Variants in MRPL48 observed in about 807,000 individuals in gnomAD.
The protein encoded by MRPL48 is mitochondrial ribosomal protein L48, also known as large ribosomal subunit protein mL48.
In MRPL48, 16 loss-of-function variants were observed where a neutral mutation model predicts 32.9. The observed-to-expected ratio is 0.49, with a 90% CI of 0.33 to 0.74. The LOEUF is 0.74. Among genes scored for constraint, MRPL48 ranks in the 30% least tolerant of loss-of-function variants. The pLI is 0.02. For missense variants in MRPL48, 206 were observed against 245.3 expected, an observed-to-expected ratio of 0.84 and a Z score of 1.07; for synonymous variants, 94 against 89.2, an observed-to-expected ratio of 1.05 and a Z score of -0.31.
At chr11:73,848,203 G>T (rs1025543975) in intron 5 of MRPL48, among the ~76,000 whole-genome samples, 2 of 151,772 alleles carry the variant, frequency 1.3e-5, no homozygotes, top group Admixed American at 6.6e-5. Context: ...TGAATATTCA[G>T]TTGTTTCCAG....
chr11:73,820,450 C>T (rs1237814772), intron 3 of MRPL48, among the ~76,000 whole-genome samples: 1 of 152,170 alleles, frequency 6.6e-6, no homozygotes, highest in East Asian at 1.9e-4. Context: ...GTCTCAAACT[C>T]ATGACCTCAA....
At chr11:73,848,096 C>T (rs1052043052) in intron 5 of MRPL48, among the ~76,000 whole-genome samples, 7 of 152,062 alleles carry the variant, frequency 4.6e-5, no homozygotes, top group Non-Finnish European at 1.0e-4. Context: ...TATGTTTTCT[C>T]CTAGAAGTTC....
chr11:73,851,236 A>G (rs1948384714), intron 5 of MRPL48: 1 of 389,302 alleles, frequency 2.6e-6, no homozygotes, highest in Non-Finnish European at 5.2e-6. Context: ...ATACTTTCTT[A>G]CTCATTAGAT....
At chr11:73,861,985 T>C (rs1220226847) in intron 6 of MRPL48, among the ~76,000 whole-genome samples, 1 of 152,210 alleles carries the variant, frequency 6.6e-6, no homozygotes, top group South Asian at 2.1e-4. Context: ...TGGGCAAAGC[T>C]GAGTTGAATC....
intron 5 of MRPL48, among the ~76,000 whole-genome samples, chr11:73,847,378 A>G (rs1788396802): frequency 1.3e-5 from 2 of 151,454 alleles, no homozygotes; most frequent in East Asian, 3.9e-4. Context: ...TCTTTTGTCC[A>G]TTTAAAAAAA....
At chr11:73,797,369 G>C (rs905310357) in intron 1 of MRPL48, among the ~76,000 whole-genome samples, 8 of 152,224 alleles carry the variant, frequency 5.3e-5, no homozygotes, top group African/African-American at 1.4e-4. Flanking sequence ...ACAGAAACAG[G>C]GCTGAGATGT....
In MRPL48 at chr11:73,808,301, C is replaced by T. The variant is rs1393726032; in HGVS notation, c.75-12C>T. The T allele has an allele frequency of 6.2e-7, 1 of 1,601,242 alleles. No homozygotes were observed. Among genetic ancestry groups the T allele is most frequent in the East Asian group, 2.2e-5 (1 of 44,738 alleles). Reference sequence around the variant, plus strand: ...TCTAATTGTATTGAACATACTTTCTCCCTCCTTTTAGGTTTAGAACTTCAG... The same window carrying T: ...TCTAATTGTATTGAACATACTTTCTTCCTCCTTTTAGGTTTAGAACTTCAG... On this transcript the variant is annotated splice_polypyrimidine_tract_variant and intron_variant, in intron 2 of 7. Transcript: ENST00000310614.
intron 6 of MRPL48, among the ~76,000 whole-genome samples, chr11:73,862,337 G>A (rs1246113390): frequency 2.0e-5 from 3 of 152,104 alleles, no homozygotes; most frequent in African/African-American, 7.2e-5. Flanking sequence ...CAGGAGAATC[G>A]CTTGAACCCG....
chr11:73,823,766 T>G (rs915065128), intron 3 of MRPL48, among the ~76,000 whole-genome samples: 4 of 147,692 alleles, frequency 2.7e-5, no homozygotes, highest in Non-Finnish European at 1.5e-5. Context: ...CAAGCAATCC[T>G]CCTGCCTCAG....
intron 3 of MRPL48, among the ~76,000 whole-genome samples, chr11:73,820,635 T>A (rs1947761432): frequency 6.6e-6 from 1 of 152,192 alleles, no homozygotes. Context: ...CCTTTACACA[T>A]GCTGTTTCCT....
At chr11:73,860,954 C>T (rs1281541447) in intron 6 of MRPL48, among the ~76,000 whole-genome samples, 2 of 152,156 alleles carry the variant, frequency 1.3e-5, no homozygotes, top group African/African-American at 2.4e-5. Context: ...TGGAATTGTA[C>T]ATTAAATGGC....
At chr11:73,847,721 G>A (rs1382712602) in intron 5 of MRPL48, among the ~76,000 whole-genome samples, 2 of 152,098 alleles carry the variant, frequency 1.3e-5, no homozygotes, top group Non-Finnish European at 2.9e-5. Context: ...TGGGATTACA[G>A]GTGTGAGCCA....
At chr11:73,799,429 C>T (rs147387063) in intron 1 of MRPL48, among the ~76,000 whole-genome samples, 1 of 152,282 alleles carries the variant, frequency 6.6e-6, no homozygotes, top group East Asian at 1.9e-4. Context: ...TAATAGCCGA[C>T]TTGCTTTGCA....
intron 4 of MRPL48, among the ~76,000 whole-genome samples, chr11:73,832,873 A>G (rs774781773): frequency 5.1e-4 from 77 of 152,166 alleles, no homozygotes; most frequent in Non-Finnish European, 6.2e-4. Flanking sequence ...TATGCCATGC[A>G]TTGTGCTGAG....
At position 73,859,928 on chromosome 11, in the gene MRPL48, C is replaced by G. The variant is rs1315531881; in HGVS notation, c.393C>G (p.Thr131=). The change falls in exon 6 of 8, where the codon ACC becomes ACG. Residue 131 remains threonine (T), a synonymous_variant. Coordinates refer to ENST00000310614, the MANE Select transcript of MRPL48 (RefSeq NM_016055.6). ...VEESYAMPTK[T]IEVLQLQDQG... is the part of the protein sequence containing the mutation. ...ACAGTTATGCAATGCCAACCAAAAC[C>G]ATAGAAGTGTTGCAGTTGCAGGACC... is the stretch of plus-strand genomic sequence containing the variant. 3 of 1,613,776 alleles carry G rather than the reference C, an allele frequency of 1.9e-6. No individual in the cohort carries two copies. The highest frequency in any genetic ancestry group is 2.5e-6 in the Non-Finnish European group (3 of 1,179,850).
Position 73,864,907 on chromosome 11 carries a change from T to G in MRPL48, c.*537T>G, listed in dbSNP as rs1037167433. Reference sequence around the variant, plus strand: ...CCCGGGTTCACACCATTCTCCTGCCTCAGCCTCCCAAGTAGCTGGGACTGC... The same window carrying G: ...CCCGGGTTCACACCATTCTCCTGCCGCAGCCTCCCAAGTAGCTGGGACTGC... On this transcript the variant is annotated 3_prime_UTR_variant, in exon 8 of 8. Coordinates refer to ENST00000310614, the MANE Select transcript of MRPL48 (RefSeq NM_016055.6). 3.9e-5 allele frequency: 6 copies of G among 152,978 alleles called. No homozygotes were observed. Among genetic ancestry groups the G allele is most frequent in the African/African-American group, 1.4e-4 (6 of 41,396 alleles). 9.5% of individuals were successfully genotyped at this position (152,978 alleles called of 1,614,324 possible). A position where few individuals can be genotyped will look rare whatever the true frequency, so the allele number is the denominator to read the frequency against.
intron 4 of MRPL48, chr11:73,832,697 AC>A (rs1475827477): frequency 6.5e-6 from 1 of 152,712 alleles, no homozygotes; most frequent in African/African-American, 2.4e-5. Flanking sequence ...ATCCAGTCCT[AC>A]CTTCTTGGTA....
Position 73,805,089 on chromosome 11 carries a change from T to A in MRPL48, c.74+10T>A. 6.4e-7 allele frequency: 1 copy of A among 1,553,772 alleles called. No individual in the cohort carries two copies. The highest frequency in any genetic ancestry group is 8.7e-7 in the Non-Finnish European group (1 of 1,146,638). On this transcript the variant is annotated intron_variant, in intron 2 of 7. Coordinates refer to ENST00000310614, the MANE Select transcript of MRPL48 (RefSeq NM_016055.6). The stretch of plus-strand genomic sequence containing the variant: ...CCTTTTCTCTCTTAAGGTAAGAATA[T>A]TAAAAACAATAATTAAATATAGGTA...
intron 5 of MRPL48, among the ~76,000 whole-genome samples, chr11:73,845,419 A>G (rs986049782): frequency 2.0e-5 from 3 of 152,186 alleles, no homozygotes; most frequent in African/African-American, 7.2e-5. Context: ...TATCAAATGC[A>G]TTCATAATGT....
Sources: allele counts gnomAD v4.1 joint callset (sites outside exome capture counted in the v4.1 genomes callset), GRCh38; gene constraint gnomAD v4.1.1; transcripts MANE v1.5; gene names NCBI Gene and HGNC (gene_info 2026-07-23, HGNC 2026-07-21).